Variants in NEURL3 observed in about 807,000 individuals in gnomAD.
NEURL3 encodes E3 ubiquitin-protein ligase NEURL3.
NEURL3 carries 19 observed loss-of-function variants against 17.6 expected under a neutral mutation model. The observed-to-expected ratio is 1.08, with a 90% confidence interval of 0.75 to 1.58. The LOEUF (loss-of-function observed/expected upper bound fraction) is 1.58, where lower values mean the gene tolerates loss of function less well. NEURL3 is among the 40% of genes most tolerant of loss of function. The pLI, the probability that NEURL3 is intolerant of heterozygous loss-of-function variation, is 0.00. For synonymous variants in NEURL3, 180 were observed against 161.4 expected (o/e 1.11, Z -0.87); for missense variants, 342 against 379.6 (o/e 0.90, Z 0.82).
At chr2:96,506,577 G>A (rs907916039), upstream of NEURL3, among the ~76,000 whole-genome samples, 3 of 152,198 alleles carry the variant, frequency 2.0e-5, no homozygotes, top group African/African-American at 7.2e-5. Flanking sequence ...CTCAACCTGT[G>A]GGCTAAGCCC....
At chr2:96,499,815 C>T (rs2065482675) in intron 2 of NEURL3, among the ~76,000 whole-genome samples, 1 of 151,978 alleles carries the variant, frequency 6.6e-6, no homozygotes, top group African/African-American at 2.4e-5. Flanking sequence ...ACTCCAGACC[C>T]AGCAAATCAG....
At chr2:96,505,406 A>G (rs1558601562), upstream of NEURL3, 1 of 916,882 alleles carries the variant, frequency 1.1e-6, no homozygotes, top group Non-Finnish European at 1.7e-6. Context: ...ATCACGTTAC[A>G]AAGTTGATGA....
At chr2:96,499,052 A>T in intron 3 of NEURL3, 1 of 654,966 alleles carries the variant, frequency 1.5e-6, no homozygotes, top group Non-Finnish European at 2.3e-6. Flanking sequence ...TATAGGGATT[A>T]CAGGTGTGAG....
chr2:96,499,554 G>T, intron 2 of NEURL3, 105 bp from the exon 3 acceptor site: 1 of 1,034,168 alleles, frequency 9.7e-7, no homozygotes, highest in Non-Finnish European at 1.4e-6. Context: ...TCTTTCCTGG[G>T]TTGCAATGCT....
At chr2:96,501,204 G>A (rs559285386) in intron 1 of NEURL3, among the ~76,000 whole-genome samples, 7 of 152,228 alleles carry the variant, frequency 4.6e-5, no homozygotes, top group East Asian at 1.9e-4. Context: ...TGTTATACAC[G>A]GTTTTTTTGT....
chr2:96,505,255 T>A lies in NEURL3; in HGVS notation c.28+4A>T. On this transcript the variant is annotated splice_donor_region_variant and intron_variant, in intron 1 of 3. Coordinates refer to ENST00000451794, the MANE Select transcript of NEURL3 (RefSeq NM_001285485.2). Reference sequence around the variant, plus strand: ...AGCTCCAGGCTTGCAGGAGGTCTACTTACTGGCCTCGAAGCAGAGCTGGGC... The same window carrying A: ...AGCTCCAGGCTTGCAGGAGGTCTACATACTGGCCTCGAAGCAGAGCTGGGC... 6.3e-7 allele frequency: 1 copy of A among 1,599,220 alleles called. No individual in the cohort carries two copies.
At chr2:96,507,726 T>G (rs1301328944), upstream of NEURL3, 1 of 152,354 alleles carries the variant, frequency 6.6e-6, no homozygotes, top group Non-Finnish European at 1.5e-5. Context: ...CCTCCCAAAG[T>G]GCTGGGATTA....
In NEURL3 at chr2:96,499,010, C is replaced by T. The variant is rs184790905; in HGVS notation, c.586+368G>A. On this transcript the variant is annotated intron_variant, in intron 3 of 3. Coordinates refer to ENST00000451794, the MANE Select transcript of NEURL3 (RefSeq NM_001285485.2). ...CCAGGCTGGTCTCAAACTCCTGGGC[C>T]CAAGCGATCCTCCTGCCTCGGCCTC... Among the ~76,000 whole-genome samples, 10 of 152,148 alleles carry T rather than the reference C, an allele frequency of 6.6e-5. No homozygotes were observed. In the East Asian group the frequency reaches 1.5e-3, roughly 24 times the overall value.
Position 96,500,685 on chromosome 2 carries a change from C to T in NEURL3, c.268G>A (p.Val90Met). The stretch of plus-strand genomic sequence containing the variant: ...CACAGGAAGGGCGGCAGGCTGGGCA[C>T]GGACACGCACGCGGGGTCCAGGCGC... ...FTRLDPACVS[V>M]PSLPPFLCPD... Residue 90 changes from valine (V) to methionine (M), a missense_variant, in exon 2 of 4, where the codon GTG becomes ATG. Coordinates refer to ENST00000451794, the MANE Select transcript of NEURL3 (RefSeq NM_001285485.2). The T allele has an allele frequency of 6.6e-7, 1 of 1,517,856 alleles. No homozygotes were observed. Among genetic ancestry groups the T allele is most frequent in the Non-Finnish European group, 8.8e-7 (1 of 1,140,084 alleles). 94.0% of individuals were successfully genotyped at this position (1,517,856 alleles called of 1,614,324 possible). A position where few individuals can be genotyped will look rare whatever the true frequency, so the allele number is the denominator to read the frequency against.
intron 1 of NEURL3, among the ~76,000 whole-genome samples, chr2:96,501,487 C>A (rs2065507238): frequency 6.6e-6 from 1 of 152,048 alleles, no homozygotes; most frequent in Non-Finnish European, 1.5e-5. Flanking sequence ...TGGGGAACTG[C>A]ATCACTTGTG....
rs571315480 is a variant in NEURL3 at position 96,500,792 on chromosome 2, G to T, written c.161C>A (p.Pro54Gln). 1.3e-6 allele frequency: 2 copies of T among 1,526,188 alleles called. No individual in the cohort carries two copies. The highest frequency in any genetic ancestry group is 2.4e-5 in the South Asian group (2 of 83,544). The allele number at this position is 1,526,188 out of a possible 1,614,324, so 94.5% of individuals were successfully genotyped here. A position where few individuals can be genotyped will look rare whatever the true frequency, so the allele number is the denominator to read the frequency against. Residue 54 changes from proline to glutamine, a missense_variant, in exon 2 of 4, where the codon CCG becomes CAG. Transcript: ENST00000451794. The part of the protein sequence containing the change: ...FHDGIVFSQR[P>Q]VRLGERVALR... ...CGCCACACGCTCGCCCAGGCGCACCGGCCGCTGGCTGAACACGATGCCGTC... is the reference window on the plus strand; with the variant it reads ...CGCCACACGCTCGCCCAGGCGCACCTGCCGCTGGCTGAACACGATGCCGTC...
rs1270643792 is a variant in NEURL3 at position 96,499,513 on chromosome 2, CT to C, written c.515-65del. On this transcript the variant is annotated intron_variant, in intron 2 of 3. Coordinates refer to ENST00000451794, the MANE Select transcript of NEURL3 (RefSeq NM_001285485.2). ...CCCAGGTGCCCCCCCATCCCCGCCC[CT>C]GGCCCCGCAGCAAAGTGTCCGGTCT... 5.5e-6 allele frequency: 8 copies of C among 1,453,840 alleles called. No homozygotes were observed. In the African/African-American group the frequency reaches 9.7e-5, roughly 18 times the overall value. The allele number at this position is 1,453,840 out of a possible 1,614,324, so 90.1% of individuals were successfully genotyped here.
At chr2:96,501,796 C>A (rs895342577) in intron 1 of NEURL3, among the ~76,000 whole-genome samples, 1 of 152,168 alleles carries the variant, frequency 6.6e-6, no homozygotes, top group Non-Finnish European at 1.5e-5. Context: ...CTTGCCCCTC[C>A]CCTCCTGGTC....
chr2:96,498,213 C>A lies in NEURL3; in HGVS notation c.*31G>T, dbSNP rs993007504. The A allele has an allele frequency of 2.0e-6, 3 of 1,510,810 alleles. No individual in the cohort carries two copies. Among genetic ancestry groups the A allele is most frequent in the South Asian group, 1.2e-5 (1 of 81,440 alleles). 93.6% of individuals were successfully genotyped at this position (1,510,810 alleles called of 1,614,324 possible). A position where few individuals can be genotyped will look rare whatever the true frequency, so the allele number is the denominator to read the frequency against. On this transcript the variant is annotated 3_prime_UTR_variant, in exon 4 of 4. Coordinates refer to ENST00000451794, the MANE Select transcript of NEURL3 (RefSeq NM_001285485.2). This position sits in a 1 kb window ranked among gnomAD's most constrained non-coding sequence, Gnocchi z 4.4. ...CAGGGGCCAGACTCAGATCTAGGCCCGGGCTGCCACTCATACTGGGAAGCC... is the reference window on the plus strand; with the variant it reads ...CAGGGGCCAGACTCAGATCTAGGCCAGGGCTGCCACTCATACTGGGAAGCC...
intron 1 of NEURL3, among the ~76,000 whole-genome samples, chr2:96,503,916 C>T (rs2065535755): frequency 1.3e-5 from 2 of 152,240 alleles, no homozygotes; most frequent in South Asian, 2.1e-4. Flanking sequence ...AGCACCCTCA[C>T]ACCTAGAGGC....
rs1372469820 is a variant in NEURL3, at chr2:96,498,664, C to T, written c.587-218G>A. On this transcript the variant is annotated intron_variant, in intron 3 of 3. Transcript: ENST00000451794. The surrounding 1 kb of genome is among the most constrained non-coding windows in gnomAD (Gnocchi z 4.4). ...AATTCCAATTTAGAGAGAAGGAAAA[C>T]GCAGCACAGACAAGTCCCTATATAC... is the stretch of plus-strand genomic sequence containing the variant. Among the ~76,000 whole-genome samples the T allele has an allele frequency of 1.3e-5, 2 of 152,098 alleles. No individual in the cohort carries two copies. The highest frequency in any genetic ancestry group is 2.9e-5 in the Non-Finnish European group (2 of 68,020).
chr2:96,501,054 C>T, intron 1 of NEURL3, 130 bp from the exon 2 acceptor site: 1 of 1,156,494 alleles, frequency 8.6e-7, no homozygotes, highest in Admixed American at 3.4e-5. Flanking sequence ...ACCATTTCCA[C>T]CTCTCTCGGT....
At position 96,498,379 on chromosome 2, in the gene NEURL3, G is replaced by C; in HGVS notation, c.654C>G (p.Gly218=). The change falls in exon 4 of 4, where the codon GGC becomes GGG. Residue 218 remains glycine (G), a synonymous_variant. Transcript: ENST00000451794. The surrounding 1 kb of genome is among the most constrained non-coding windows in gnomAD (Gnocchi z 4.4). ...HAANTRLVPC[G]HTYFCRYCAW... is the part of the protein sequence containing the mutation. ...CACAGTATCTGCAGAAGTATGTGTGGCCGCAGGGCACAAGGCGGGTGTTGG... is the reference window on the plus strand; with the variant it reads ...CACAGTATCTGCAGAAGTATGTGTGCCCGCAGGGCACAAGGCGGGTGTTGG... The C allele has an allele frequency of 1.3e-6, 2 of 1,599,484 alleles. No homozygotes were observed. The highest frequency in any genetic ancestry group is 1.7e-6 in the Non-Finnish European group (2 of 1,179,790).
At chr2:96,503,486 A>G (rs1242744182) in intron 1 of NEURL3, among the ~76,000 whole-genome samples, 1 of 152,186 alleles carries the variant, frequency 6.6e-6, no homozygotes, top group African/African-American at 2.4e-5. Context: ...GGGACCTGGC[A>G]GGGCAGCAAA....
Sources: allele counts gnomAD v4.1 joint callset (sites outside exome capture counted in the v4.1 genomes callset), GRCh38; gene constraint gnomAD v4.1.1; non-coding constraint Gnocchi (gnomAD v3.1); transcripts MANE v1.5; gene names NCBI Gene and HGNC (gene_info 2026-07-23, HGNC 2026-07-21).